The following MAP3K1 variants were observed in gnomAD, a reference collection of about 807,000 sequenced individuals.
MAP3K1 encodes mitogen-activated protein kinase kinase kinase 1.
Under a neutral mutation model 144.2 loss-of-function variants are expected in MAP3K1, and 36 were observed. The observed-to-expected ratio is 0.25, with a 90% CI of 0.19 to 0.33. The LOEUF is 0.33. Ranked by LOEUF, MAP3K1 falls within the 10% of genes least tolerant of loss-of-function variation. MAP3K1 has a pLI of 1.00. For missense variants in MAP3K1, 1,650 were observed against 1,881.9 expected, an observed-to-expected ratio of 0.88 and a Z score of 2.28; for synonymous variants, 718 against 688.7, an observed-to-expected ratio of 1.04 and a Z score of -0.67.
chr5:56,830,025 G>A (rs148433523), intron 1 of MAP3K1, among the ~76,000 whole-genome samples: 2 of 152,300 alleles, frequency 1.3e-5, no homozygotes, highest in East Asian at 3.9e-4. Context: ...AAAGGTTTAT[G>A]CTCAAGAACT....
intron 9 of MAP3K1, among the ~76,000 whole-genome samples, chr5:56,873,325 T>TAA (rs1230937463): frequency 6.6e-6 from 1 of 152,234 alleles, no homozygotes; most frequent in African/African-American, 2.4e-5. Flanking sequence ...TCCCAATGTT[T>TAA]AATCCCCGTG....
rs1345704990 is a variant in MAP3K1 at position 56,882,327 on chromosome 5, T to C, written c.3127T>C (p.Ser1043Pro). ...TGAAAACAAAGACTCAGATAAACTT[T>C]CCCCAGTCTTTACTCAGTCAAGACC... ...CPENKDSDKL[S>P]PVFTQSRPLP... Residue 1043 changes from serine (S) to proline (P), a missense_variant, in exon 14 of 20, where the codon TCC becomes CCC. Ser to Pro is a moderately conservative substitution (Grantham distance 74). Transcript: ENST00000399503. 2 of 1,613,938 alleles carry C rather than the reference T, an allele frequency of 1.2e-6. No homozygotes were observed. Among genetic ancestry groups the C allele is most frequent in the East Asian group, 2.2e-5 (1 of 44,884 alleles).
Position 56,881,737 on chromosome 5 carries a change from C to T in MAP3K1, c.2537C>T (p.Ser846Phe). The T allele has an allele frequency of 6.2e-7, 1 of 1,614,106 alleles. No individual in the cohort carries two copies. The highest frequency in any genetic ancestry group is 8.5e-7 in the Non-Finnish European group (1 of 1,180,012). ...TTAGAAATGCTGAGTGTTTCCAGTT[C>T]CACTCACTTCACCAGGATGCGTCGC... ...KLLEMLSVSS[S>F]THFTRMRRRL... Residue 846 changes from serine (S) to phenylalanine (F), a missense_variant, in exon 14 of 20, where the codon TCC becomes TTC. Around this residue, in one of 6 missense-constraint regions of MAP3K1, gnomAD observed 841 missense variants for 886.5 expected, o/e 0.95. Transcript: ENST00000399503.
chr5:56,882,038 A>G lies in MAP3K1; in HGVS notation c.2838A>G (p.Thr946=). The change falls in exon 14 of 20, where the codon ACA becomes ACG. Residue 946 remains threonine, a synonymous_variant. Transcript: ENST00000399503. The stretch of plus-strand genomic sequence containing the variant: ...CTTCTAGTTCAACAACAACAACAAC[A>G]ACAACAACAGAGCAACCAAAGCCAA... ...VGPSSSTTTT[T]TTTEQPKPMV... The G allele has an allele frequency of 6.2e-7, 1 of 1,613,952 alleles. No individual in the cohort carries two copies. Among genetic ancestry groups the G allele is most frequent in the Non-Finnish European group, 8.5e-7 (1 of 1,179,896 alleles).
Position 56,863,144 on chromosome 5 carries a change from C to CCTTTG in MAP3K1, c.835-1574_835-1570dup, listed in dbSNP as rs781384289. ...CCTAGCTGTAGCCAATCAGCTGATT[C>CCTTTG]CTTTGCTTTGCTTTGCTTTGTGTTC... On this transcript the variant is annotated intron_variant, in intron 3 of 19. Coordinates refer to ENST00000399503, the MANE Select transcript of MAP3K1 (RefSeq NM_005921.2). 6.6e-5 allele frequency among the ~76,000 whole-genome samples: 10 copies of CCTTTG among 152,274 alleles called. No individual in the cohort carries two copies. In the South Asian group the frequency reaches 1.2e-3, roughly 19 times the overall value.
In MAP3K1 at chr5:56,853,496, A is replaced by G. The variant is rs1018856376; in HGVS notation, c.483-3104A>G. On this transcript the variant is annotated intron_variant, in intron 1 of 19. Coordinates refer to ENST00000399503, the MANE Select transcript of MAP3K1 (RefSeq NM_005921.2). ...CACTTAATATATGTTCATACTTATT[A>G]TGAGCCAGACATGCTTAGATGTTAG... 2.1e-4 allele frequency among the ~76,000 whole-genome samples: 32 copies of G among 152,318 alleles called. 1 individual carries two copies. The highest frequency in any genetic ancestry group is 1.5e-3 in the Admixed American group (23 of 15,302).
At position 56,815,994 on chromosome 5, in the gene MAP3K1, G is replaced by A. The variant is rs773710793; in HGVS notation, c.421G>A (p.Ala141Thr). 7.3e-6 allele frequency: 9 copies of A among 1,241,208 alleles called. No individual in the cohort carries two copies. The South Asian group carries it at 2.8e-4, about 38-fold the overall frequency. 76.9% of individuals were successfully genotyped at this position (1,241,208 alleles called of 1,614,324 possible). ...PDSGASSPAA[A>T]EPGEKRAPAA... ...CAGCGGCGCCTCGAGTCCCGCAGCG[G>A]CCGAGCCCGGGGAGAAGCGGGCGCC... is the stretch of plus-strand genomic sequence containing the variant. The change falls in exon 1 of 20, where the codon GCC becomes ACC. Residue 141 changes from alanine (A) to threonine (T), a missense_variant. Ala to Thr is a moderately conservative substitution (Grantham distance 58). Around this residue, in one of 6 missense-constraint regions of MAP3K1, gnomAD observed 360 missense variants for 274.7 expected, o/e 1.31. Transcript: ENST00000399503.
At chr5:56,888,455 T>C (rs1192381379) in intron 19 of MAP3K1, 98 bp downstream of exon 19, 7 of 1,020,978 alleles carry the variant, frequency 6.9e-6, no homozygotes, top group Non-Finnish European at 1.1e-5. Context: ...CAATCTAGCA[T>C]GAAGGTAAAT....
chr5:56,817,736 T>A (rs181454641), intron 1 of MAP3K1, among the ~76,000 whole-genome samples: 1 of 152,332 alleles, frequency 6.6e-6, no homozygotes, highest in Non-Finnish European at 1.5e-5. Flanking sequence ...TTTAAGAAAT[T>A]GTATCTATTG....
rs1561193642 is a variant in MAP3K1, at chr5:56,872,870, T to C, written c.1551T>C (p.Ala517=). 1 of 1,614,222 alleles carries C rather than the reference T, an allele frequency of 6.2e-7. No individual in the cohort carries two copies. The highest frequency in any genetic ancestry group is 8.5e-7 in the Non-Finnish European group (1 of 1,180,034). Residue 517 remains alanine (A), a synonymous_variant, in exon 9 of 20, where the codon GCT becomes GCC. Coordinates refer to ENST00000399503, the MANE Select transcript of MAP3K1 (RefSeq NM_005921.2). The part of the protein sequence containing the change: ...SPVDSPSSLR[A]AQQQTVQQQP... ...TGGATTCCCCTTCTTCCCTCAGAGC[T>C]GCACAGCAGCAAACCGTACAGCAGC...
intron 1 of MAP3K1, chr5:56,820,830 T>A: frequency 5.1e-6 from 5 of 983,514 alleles, no homozygotes; most frequent in Non-Finnish European, 6.0e-6. Flanking sequence ...GGTTGTAGTA[T>A]GAACATGTTT....
At chr5:56,845,710 C>A (rs901119359) in intron 1 of MAP3K1, among the ~76,000 whole-genome samples, 1 of 152,182 alleles carries the variant, frequency 6.6e-6, no homozygotes, top group Non-Finnish European at 1.5e-5. Flanking sequence ...AGGATACTCA[C>A]AATGTTTCAT....
intron 1 of MAP3K1, among the ~76,000 whole-genome samples, chr5:56,844,502 A>G (rs961767781): frequency 6.6e-6 from 1 of 151,904 alleles, no homozygotes; most frequent in African/African-American, 2.4e-5. Flanking sequence ...TGCCAAAGCT[A>G]TGTCTTCTGT....
intron 1 of MAP3K1, among the ~76,000 whole-genome samples, chr5:56,828,759 T>A (rs1746392913): frequency 6.6e-6 from 1 of 152,196 alleles, no homozygotes. Flanking sequence ...GCTATCTTTT[T>A]CTTCTTAATG....
chr5:56,865,764 C>T (rs1414903348), intron 5 of MAP3K1, 65 bp from the exon 6 acceptor site: 2 of 1,513,448 alleles, frequency 1.3e-6, no homozygotes, highest in Non-Finnish European at 1.8e-6. Context: ...AATTCAGCCT[C>T]TAGAACTCTT....
chr5:56,836,975 ACT>A (rs1209536161), intron 1 of MAP3K1, among the ~76,000 whole-genome samples: 6 of 152,120 alleles, frequency 3.9e-5, no homozygotes, highest in Non-Finnish European at 8.8e-5. Flanking sequence ...TAAAATTGAC[ACT>A]CTAGAAAACA....
At chr5:56,863,888 G>A (rs1286260385) in intron 3 of MAP3K1, among the ~76,000 whole-genome samples, 1 of 152,162 alleles carries the variant, frequency 6.6e-6, no homozygotes, top group Non-Finnish European at 1.5e-5. Flanking sequence ...TATAGTGAGA[G>A]TGTTATATAT....
chr5:56,869,177 A>G (rs903968305), intron 6 of MAP3K1, among the ~76,000 whole-genome samples: 6 of 152,082 alleles, frequency 3.9e-5, no homozygotes, highest in African/African-American at 1.4e-4. Flanking sequence ...AGGCTGAGGC[A>G]GGAGGATCTC....
chr5:56,823,584 TG>T (rs1746219755), intron 1 of MAP3K1, among the ~76,000 whole-genome samples: 1 of 152,252 alleles, frequency 6.6e-6, no homozygotes. Flanking sequence ...AGAGGGATAA[TG>T]GCATGGCATG....
Sources: allele counts gnomAD v4.1 joint callset (sites outside exome capture counted in the v4.1 genomes callset), GRCh38; gene constraint gnomAD v4.1.1; regional missense constraint gnomAD v4.1.1; transcripts MANE v1.5; gene names NCBI Gene and HGNC (gene_info 2026-07-23, HGNC 2026-07-21).